Variants in SLA2 observed in about 807,000 individuals in gnomAD.
The protein encoded by SLA2 is Src like adaptor 2.
A neutral mutation model predicts 27.3 loss-of-function variants in SLA2; 22 were observed. The ratio of observed to expected loss-of-function variants is 0.81; its 90% CI spans 0.58 to 1.15. SLA2 has a LOEUF of 1.15. SLA2 is among the 50% of genes most tolerant of loss of function. The pLI, the probability that SLA2 is intolerant of heterozygous loss-of-function variation, is 0.00. For synonymous variants in SLA2, 131 were observed against 137.8 expected, an observed-to-expected ratio of 0.95 and a Z score of 0.34; for missense variants, 304 against 322.2, an observed-to-expected ratio of 0.94 and a Z score of 0.43.
At chr20:36,620,642 T>TTACTACACCC (rs2039272560) in intron 5 of SLA2, 1 of 154,640 alleles carries the variant, frequency 6.5e-6, no homozygotes, top group Non-Finnish European at 1.4e-5. Context: ...AAATCTAGGT[T>TTACTACACCC]TACTACACCC....
At chr20:36,615,050 G>A (rs570525933) in intron 6 of SLA2, 175 bp downstream of exon 6, 26 of 985,412 alleles carry the variant, frequency 2.6e-5, no homozygotes, top group Non-Finnish European at 3.1e-5. Context: ...GGCACGAGGT[G>A]AAGACAGGGC....
At chr20:36,633,439 C>T in intron 4 of SLA2, 104 bp downstream of exon 4, 1 of 975,654 alleles carries the variant, frequency 1.0e-6, no homozygotes, top group South Asian at 1.4e-5. Context: ...TTCGATTCTC[C>T]CCCATCCCCA....
chr20:36,642,915 G>A (rs1384091361), intron 1 of SLA2, among the ~76,000 whole-genome samples: 1 of 151,688 alleles, frequency 6.6e-6, no homozygotes, highest in African/African-American at 2.4e-5. Context: ...CTCATGCCAT[G>A]TTGCCCAGGC....
intron 4 of SLA2, among the ~76,000 whole-genome samples, chr20:36,632,952 A>G (rs1213771175): frequency 6.6e-6 from 1 of 151,982 alleles, no homozygotes; most frequent in Non-Finnish European, 1.5e-5. Context: ...TGGAGACCTC[A>G]TTCCCCCAAG....
chr20:36,637,193 ATTTTTTTTTTT>A (rs1175945445), intron 2 of SLA2, among the ~76,000 whole-genome samples: 6 of 87,962 alleles, frequency 6.8e-5, no homozygotes, highest in Admixed American at 1.2e-4. Context: ...GCGTGTGTGT[ATTTTTTTTTTT>A]TTTTTTTTTT....
chr20:36,617,040 ACT>A (rs1252384853), intron 5 of SLA2, among the ~76,000 whole-genome samples: 1 of 150,446 alleles, frequency 6.6e-6, no homozygotes, highest in African/African-American at 2.5e-5. Flanking sequence ...ACAGAGCAAG[ACT>A]CTATAAATAA....
Position 36,613,971 on chromosome 20 carries a change from A to G in SLA2, c.681T>C (p.Ser227=), listed in dbSNP as rs1463113420. 5.0e-6 allele frequency: 8 copies of G among 1,613,986 alleles called. No homozygotes were observed. The highest frequency in any genetic ancestry group is 1.3e-5 in the African/African-American group (1 of 74,916). Residue 227 remains serine (S), a synonymous_variant, in exon 8 of 8, where the codon TCT becomes TCC. Coordinates refer to ENST00000262866, the MANE Select transcript of SLA2 (RefSeq NM_032214.4). ...WKELDSSLLF[S]EAATGEESLL... ...GAGACTCCTCCCCTGTGGCAGCTTCAGAAAACAGGAGGGAGCTGTGGACAA... is the reference window on the plus strand; with the variant it reads ...GAGACTCCTCCCCTGTGGCAGCTTCGGAAAACAGGAGGGAGCTGTGGACAA...
chr20:36,640,718 T>A lies in SLA2; in HGVS notation c.91+527A>T, dbSNP rs148497723. On this transcript the variant is annotated intron_variant, in intron 2 of 7. Coordinates refer to ENST00000262866, the MANE Select transcript of SLA2 (RefSeq NM_032214.4). ...TTTTAGTAGAGACGGGGTTTCACCA[T>A]GTTGGCCAGGCTGGTCTTGAACTCC... is the stretch of plus-strand genomic sequence containing the variant. 8.4e-3 allele frequency among the ~76,000 whole-genome samples: 1,276 copies of A among 152,268 alleles called. 21 individuals are homozygous for A. The highest frequency in any genetic ancestry group is 0.03 in the African/African-American group (1,235 of 41,552).
Position 36,612,389 on chromosome 20 carries a change from G to A in SLA2, c.*1477C>T, listed in dbSNP as rs915962519. On this transcript the variant is annotated 3_prime_UTR_variant, in exon 8 of 8. Transcript: ENST00000262866. The stretch of plus-strand genomic sequence containing the variant: ...GATGAAACATTAAATTGTCTTCCTC[G>A]ATTCTCCATCGGGTGTAGAGTTTTT... 3 of 675,798 alleles carry A rather than the reference G, an allele frequency of 4.4e-6. No individual in the cohort carries two copies. Among genetic ancestry groups the A allele is most frequent in the African/African-American group, 1.8e-5 (1 of 55,250 alleles). The allele number at this position is 675,798 out of a possible 1,614,324, so 41.9% of individuals were successfully genotyped here.
In SLA2 at chr20:36,612,546, TTTAA is replaced by T. The variant is rs2039151373; in HGVS notation, c.*1316_*1319del. Reference sequence around the variant, plus strand: ...TTCACATACTTGAATAAATCAAATCTTTAATTGAGAACCTGTTGATGATACCTGA... The same window carrying T: ...TTCACATACTTGAATAAATCAAATCTTTGAGAACCTGTTGATGATACCTGA... On this transcript the variant is annotated 3_prime_UTR_variant, in exon 8 of 8. Transcript: ENST00000262866. The T allele has an allele frequency of 8.4e-6, 3 of 355,738 alleles. No individual in the cohort carries two copies. Among genetic ancestry groups the T allele is most frequent in the South Asian group, 5.5e-5 (2 of 36,656 alleles). The allele number at this position is 355,738 out of a possible 1,614,324, so 22.0% of individuals were successfully genotyped here.
At chr20:36,633,725 C>T (rs940116451) in intron 3 of SLA2, 96 bp from the exon 4 acceptor site, 1 of 923,456 alleles carries the variant, frequency 1.1e-6, no homozygotes, top group Non-Finnish European at 1.7e-6. Context: ...CAGGCTGGAT[C>T]CTGTGGCCAC....
At chr20:36,641,912 C>G (rs2039510356) in intron 1 of SLA2, among the ~76,000 whole-genome samples, 1 of 151,506 alleles carries the variant, frequency 6.6e-6, no homozygotes, top group Non-Finnish European at 1.5e-5. Context: ...AATCCCAGCA[C>G]TTTGGGAGGC....
chr20:36,638,380 G>A (rs1316324995), intron 2 of SLA2, among the ~76,000 whole-genome samples: 1 of 151,414 alleles, frequency 6.6e-6, no homozygotes, highest in Non-Finnish European at 1.5e-5. Flanking sequence ...CCAGGCTGGA[G>A]TGCAGTGGCT....
chr20:36,619,022 T>C (rs1219859822), intron 5 of SLA2, among the ~76,000 whole-genome samples: 8 of 149,898 alleles, frequency 5.3e-5, no homozygotes, highest in South Asian at 2.1e-4. Context: ...GGTCGAGAGA[T>C]TGAGATGCGT....
chr20:36,642,801 T>C (rs1051743075), intron 1 of SLA2, among the ~76,000 whole-genome samples: 7 of 152,118 alleles, frequency 4.6e-5, no homozygotes, highest in Non-Finnish European at 1.0e-4. Flanking sequence ...GTCAGGCTGG[T>C]CTTGAACTCC....
At chr20:36,624,903 G>A (rs748820345) in intron 5 of SLA2, among the ~76,000 whole-genome samples, 40 of 152,180 alleles carry the variant, frequency 2.6e-4, no homozygotes, top group Non-Finnish European at 5.6e-4. Flanking sequence ...CTTTGGTTCT[G>A]TCCTTGGAAC....
chr20:36,626,401 A>C (rs577866606), intron 5 of SLA2, among the ~76,000 whole-genome samples: 2,219 of 151,336 alleles, frequency 0.015, 38 homozygotes, highest in African/African-American at 0.035. Context: ...AAAAAAAAAA[A>C]ACACACACAA....
rs192061592 is a variant in SLA2, at chr20:36,626,585, T to C, written c.382+6010A>G. Among the ~76,000 whole-genome samples the C allele has an allele frequency of 4.6e-3, 691 of 149,966 alleles. 6 individuals are homozygous for C. Among genetic ancestry groups the C allele is most frequent in the African/African-American group, 0.016 (663 of 40,716 alleles). On this transcript the variant is annotated intron_variant, in intron 5 of 7. Transcript: ENST00000262866. ...AAAAAAGTCTGGGCGCGGTGGCTCA[T>C]GCCTGTAATCCCAGCACTTTGGGAG...
In SLA2 at chr20:36,632,699, C is replaced by T; in HGVS notation, c.279-1G>A. 1.2e-6 allele frequency: 2 copies of T among 1,613,308 alleles called. No individual in the cohort carries two copies. The highest frequency in any genetic ancestry group is 1.7e-6 in the Non-Finnish European group (2 of 1,179,580). On this transcript the variant is annotated splice_acceptor_variant, in intron 4 of 7. Transcript: ENST00000262866. LOFTEE classifies it high-confidence loss of function. Reference sequence around the variant, plus strand: ...CCTGCTCAGGCCCTCATACAGCCACCTGGCGGAGCGAAAGAGAGGGACAAG... The same window carrying T: ...CCTGCTCAGGCCCTCATACAGCCACTTGGCGGAGCGAAAGAGAGGGACAAG...
Sources: gnomAD v4.1 joint callset for allele counts (sites outside exome capture counted in the v4.1 genomes callset) on GRCh38, gnomAD v4.1.1 for gene constraint, MANE v1.5 for transcripts, NCBI Gene and HGNC (gene_info 2026-07-23, HGNC 2026-07-21) for gene names.